Variants in TENM4 observed in about 807,000 individuals in gnomAD.
TENM4 encodes teneurin-4.
Under a neutral mutation model 243.3 loss-of-function variants are expected in TENM4, and 82 were observed. That is an observed-to-expected ratio of 0.34 (90% CI 0.28 to 0.40). The LOEUF is 0.40. Ranked by LOEUF, TENM4 falls within the 10% of genes least tolerant of loss-of-function variation. TENM4 has a pLI of 1.00. For synonymous variants in TENM4, 1,412 were observed against 1,456.3 expected (o/e 0.97, Z 0.69); for missense variants, 3,138 against 3,673.3 (o/e 0.85, Z 3.77).
At chr11:78,818,385 G>A (rs1857654389) in intron 12 of TENM4, among the ~76,000 whole-genome samples, 1 of 152,224 alleles carries the variant, frequency 6.6e-6, no homozygotes. Flanking sequence ...CTGTGACTGA[G>A]TGTAGTGTTG....
chr11:79,422,844 A>G (rs989090355), intron 1 of TENM4, among the ~76,000 whole-genome samples: 1 of 151,570 alleles, frequency 6.6e-6, no homozygotes, highest in Non-Finnish European at 1.5e-5. Context: ...TCTTCTAATC[A>G]CTCCTCTTTG....
chr11:79,147,483 C>T (rs1358194297), intron 4 of TENM4, among the ~76,000 whole-genome samples: 1 of 152,002 alleles, frequency 6.6e-6, no homozygotes, highest in African/African-American at 2.4e-5. Flanking sequence ...GAGTTTTAAC[C>T]TCATGAATTT....
intron 12 of TENM4, among the ~76,000 whole-genome samples, chr11:78,815,090 G>A: frequency 6.6e-6 from 1 of 152,320 alleles, no homozygotes; most frequent in East Asian, 1.9e-4. Flanking sequence ...CAGAGACAAA[G>A]ACGTTCTCTT....
intron 6 of TENM4, among the ~76,000 whole-genome samples, chr11:78,904,352 T>A (rs1311295631): frequency 1.6e-5 from 1 of 62,348 alleles, no homozygotes; most frequent in African/African-American, 1.8e-4. Flanking sequence ...AGAGCAAGAC[T>A]CTGTCTCAAA....
intron 1 of TENM4, among the ~76,000 whole-genome samples, chr11:79,423,551 T>C (rs1029205323): frequency 1.5e-5 from 2 of 136,242 alleles, no homozygotes; most frequent in African/African-American, 2.8e-5. Context: ...TTTTTTTTTT[T>C]TTTTTTTGCA....
intron 6 of TENM4, among the ~76,000 whole-genome samples, chr11:79,042,156 C>T (rs1859549998): frequency 6.6e-6 from 1 of 152,196 alleles, no homozygotes; most frequent in African/African-American, 2.4e-5. Flanking sequence ...GGTAGGCTGA[C>T]TCTCTTCTAA....
At chr11:79,405,033 T>G (rs1858538805) in intron 1 of TENM4, among the ~76,000 whole-genome samples, 1 of 152,206 alleles carries the variant, frequency 6.6e-6, no homozygotes, top group Non-Finnish European at 1.5e-5. Flanking sequence ...TCACTCTGCA[T>G]GCCTGCGTGT....
chr11:78,677,780 T>C (rs1281877061), intron 29 of TENM4, among the ~76,000 whole-genome samples: 2 of 151,976 alleles, frequency 1.3e-5, no homozygotes, highest in African/African-American at 2.4e-5. Context: ...GATTCTTTTT[T>C]TTTTTATTAT....
intron 6 of TENM4, among the ~76,000 whole-genome samples, chr11:78,933,164 G>T (rs1856708401): frequency 6.6e-6 from 1 of 152,128 alleles, no homozygotes; most frequent in Non-Finnish European, 1.5e-5. Flanking sequence ...TGCATCTGAG[G>T]TAAAAGGCTG....
At chr11:78,896,737 C>T (rs1023720582) in intron 7 of TENM4, among the ~76,000 whole-genome samples, 90 of 152,096 alleles carry the variant, frequency 5.9e-4, no homozygotes, top group Admixed American at 4.2e-3. Context: ...ATCAGGAAGA[C>T]GGCACTGCAT....
intron 6 of TENM4, among the ~76,000 whole-genome samples, chr11:78,962,460 G>T (rs1408086423): frequency 6.6e-6 from 1 of 150,856 alleles, no homozygotes; most frequent in Non-Finnish European, 1.5e-5. Flanking sequence ...ACGGGAAGGG[G>T]GGGCTCCCAA....
At chr11:79,400,099 CCACACA>C (rs71050221) in intron 1 of TENM4, among the ~76,000 whole-genome samples, 30,764 of 140,494 alleles carry the variant, frequency 0.22, 3,322 homozygotes, top group African/African-American at 0.25. Flanking sequence ...TAAACACACA[CCACACA>C]CACACACACA....
chr11:79,105,500 T>G (rs1453736672), intron 4 of TENM4, among the ~76,000 whole-genome samples: 1 of 152,218 alleles, frequency 6.6e-6, no homozygotes, highest in Non-Finnish European at 1.5e-5. Context: ...TGATCCTTCA[T>G]ATAAAAACAG....
chr11:79,400,025 T>C (rs1745047403), intron 1 of TENM4, among the ~76,000 whole-genome samples: 1 of 151,956 alleles, frequency 6.6e-6, no homozygotes, highest in Non-Finnish European at 1.5e-5. Context: ...ATCAAGTCTC[T>C]GCTAGAATAA....
At chr11:79,400,603 A>G (rs1265612248) in intron 1 of TENM4, among the ~76,000 whole-genome samples, 1 of 152,184 alleles carries the variant, frequency 6.6e-6, no homozygotes, top group Non-Finnish European at 1.5e-5. Flanking sequence ...TGCAAATTCC[A>G]GTTTCCCCAT....
intron 12 of TENM4, among the ~76,000 whole-genome samples, chr11:78,828,025 G>GACT (rs1272062754): frequency 6.6e-6 from 1 of 152,168 alleles, no homozygotes; most frequent in Non-Finnish European, 1.5e-5. Context: ...CTGCCACAGT[G>GACT]ACTAGCACAG....
At chr11:78,958,679 AGGGCCTCTG>A (rs1299530430) in intron 6 of TENM4, among the ~76,000 whole-genome samples, 1 of 152,202 alleles carries the variant, frequency 6.6e-6, no homozygotes, top group African/African-American at 2.4e-5. Context: ...CTGTGGGCAG[AGGGCCTCTG>A]GGGTGATGCT....
intron 1 of TENM4, among the ~76,000 whole-genome samples, chr11:79,307,849 C>A (rs1256621220): frequency 6.6e-6 from 1 of 152,170 alleles, no homozygotes; most frequent in Non-Finnish European, 1.5e-5. Context: ...ATATGGAGAC[C>A]TAGAGATCTG....
intron 17 of TENM4, among the ~76,000 whole-genome samples, chr11:78,772,373 G>A (rs560249895): frequency 2.0e-5 from 3 of 151,976 alleles, no homozygotes; most frequent in Non-Finnish European, 4.4e-5. Flanking sequence ...TTCTCCAAGG[G>A]GCTATCAAAA....
Sources: allele counts gnomAD v4.1 joint callset (sites outside exome capture counted in the v4.1 genomes callset), GRCh38; gene constraint gnomAD v4.1.1; transcripts MANE v1.5; gene names NCBI Gene and HGNC (gene_info 2026-07-23, HGNC 2026-07-21).